The following LIPH variants were observed in gnomAD, a reference collection of about 807,000 sequenced individuals.
LIPH encodes lipase H, also known as lipase member H.
LIPH carries 32 observed loss-of-function variants against 47.6 expected under a neutral mutation model. The observed-to-expected ratio is 0.67, with a 90% CI of 0.51 to 0.90. LIPH has a LOEUF of 0.90. Among genes scored for constraint, LIPH ranks in the 40% least tolerant of loss-of-function variants. The pLI, the probability that LIPH is intolerant of heterozygous loss-of-function variation, is 0.00. For missense variants in LIPH, 497 were observed against 541.4 expected (o/e 0.92, Z 0.81); for synonymous variants, 190 against 195.6 (o/e 0.97, Z 0.24).
intron 1 of LIPH, among the ~76,000 whole-genome samples, chr3:185,549,832 C>T (rs1720998439): frequency 6.6e-6 from 1 of 152,084 alleles, no homozygotes; most frequent in African/African-American, 2.4e-5. Flanking sequence ...AGTGCTGGGA[C>T]TACAGATGTG....
At chr3:185,534,708 C>G in intron 2 of LIPH, 57 bp downstream of exon 2, 1 of 1,591,916 alleles carries the variant, frequency 6.3e-7, no homozygotes, top group South Asian at 1.1e-5. Flanking sequence ...GCTTTAAGCC[C>G]TCAGATAATG....
intron 5 of LIPH, among the ~76,000 whole-genome samples, chr3:185,522,974 T>A (rs557065234): frequency 5.0e-4 from 76 of 152,318 alleles, no homozygotes; most frequent in Non-Finnish European, 9.0e-4. Context: ...ATTATATAGT[T>A]TTGTCTTTTC....
In LIPH at chr3:185,511,620, G is replaced by A. The variant is rs752617792; in HGVS notation, c.1172C>T (p.Ala391Val). 1 of 1,613,230 alleles carries A rather than the reference G, an allele frequency of 6.2e-7. No individual in the cohort carries two copies. Among genetic ancestry groups the A allele is most frequent in the Non-Finnish European group, 8.5e-7 (1 of 1,179,222 alleles). ...RFNQDLDKVA[A>V]ISLMFSTGSL... ...TCCTGTAGAGAACATCAAGGAAATT[G>A]CAGCCACTTTATCCAGATCTTGATT... Residue 391 changes from alanine to valine, a missense_variant, in exon 9 of 10, where the codon GCA becomes GTA. Ala to Val is a moderately conservative substitution (Grantham distance 64). Coordinates refer to ENST00000296252, the MANE Select transcript of LIPH (RefSeq NM_139248.3).
intron 3 of LIPH, among the ~76,000 whole-genome samples, chr3:185,531,079 C>T (rs1403135316): frequency 6.6e-6 from 1 of 152,130 alleles, no homozygotes; most frequent in Admixed American, 6.6e-5. Flanking sequence ...AAATGATTAG[C>T]TTCCAGTGTC....
At position 185,508,437 on chromosome 3, in the gene LIPH, T is replaced by C; in HGVS notation, c.*353A>G. ...AGTCCACGGTGAGGCCTCCAGTCCG[T>C]CCTTCCCTTGAAGATGCTTGACCCG... On this transcript the variant is annotated 3_prime_UTR_variant, in exon 10 of 10. Coordinates refer to ENST00000296252, the MANE Select transcript of LIPH (RefSeq NM_139248.3). 1 of 314,808 alleles carries C rather than the reference T, an allele frequency of 3.2e-6. No individual in the cohort carries two copies. The highest frequency in any genetic ancestry group is 6.1e-6 in the Non-Finnish European group (1 of 162,694). The allele number at this position is 314,808 out of a possible 1,614,324, so 19.5% of individuals were successfully genotyped here. A position where few individuals can be genotyped will look rare whatever the true frequency, so the allele number is the denominator to read the frequency against.
intron 5 of LIPH, among the ~76,000 whole-genome samples, chr3:185,523,756 C>G (rs1201695096): frequency 6.6e-6 from 1 of 150,768 alleles, no homozygotes; most frequent in Admixed American, 6.7e-5. Context: ...GAGTATCACT[C>G]TTGTTGCCCA....
In LIPH at chr3:185,535,026, G is replaced by C; in HGVS notation, c.156C>G (p.Thr52=). The C allele has an allele frequency of 1.2e-6, 2 of 1,613,706 alleles. No individual in the cohort carries two copies. Among genetic ancestry groups the C allele is most frequent in the African/African-American group, 2.7e-5 (2 of 75,008 alleles). ...RLMLYTRKNL[T]CAQTINSSAF... ...CTGAGGAGTTGATGGTTTGTGCGCA[G>C]GTCAGGTTTTTCCTTGTGTAGAGCA... The change falls in exon 2 of 10, where the codon ACC becomes ACG. Residue 52 remains threonine (T), a synonymous_variant. Coordinates refer to ENST00000296252, the MANE Select transcript of LIPH (RefSeq NM_139248.3).
intron 6 of LIPH, among the ~76,000 whole-genome samples, chr3:185,517,619 A>G (rs1719771735): frequency 6.6e-6 from 1 of 152,126 alleles, no homozygotes; most frequent in African/African-American, 2.4e-5. Flanking sequence ...CTGTGTCACT[A>G]AGCAGGTGAG....
chr3:185,508,945 T>A (rs1719468852), intron 9 of LIPH, 68 bp from the exon 10 acceptor site: 1 of 920,840 alleles, frequency 1.1e-6, no homozygotes, highest in East Asian at 2.6e-5. Flanking sequence ...GTAAATAATA[T>A]TATATCCTTA....
intron 1 of LIPH, among the ~76,000 whole-genome samples, chr3:185,549,662 A>G (rs1335092529): frequency 2.0e-5 from 3 of 152,210 alleles, no homozygotes; most frequent in Non-Finnish European, 4.4e-5. Context: ...GCACAATGGT[A>G]TGTGCCTGTA....
intron 1 of LIPH, among the ~76,000 whole-genome samples, chr3:185,545,769 T>A (rs1720852022): frequency 1.3e-5 from 2 of 152,100 alleles, no homozygotes; most frequent in African/African-American, 4.8e-5. Context: ...GAGTCAGACC[T>A]AGGTTTGATG....
chr3:185,538,640 G>C lies in LIPH; in HGVS notation c.50-3508C>G, dbSNP rs568867510. ...TTTTCTTTTATTACCTATGCTTAAT[G>C]TTTCAGGTGTTATGTCCTTTTTAAT... is the stretch of plus-strand genomic sequence containing the variant. On this transcript the variant is annotated intron_variant, in intron 1 of 9. Coordinates refer to ENST00000296252, the MANE Select transcript of LIPH (RefSeq NM_139248.3). Among the ~76,000 whole-genome samples the C allele has an allele frequency of 2.3e-3, 7 of 3,064 alleles. No homozygotes were observed. In the South Asian group the frequency reaches 0.12, roughly 55 times the overall value. The allele number at this position is 3,064 out of a possible 152,430, so 2.0% of individuals were successfully genotyped here. A position where few individuals can be genotyped will look rare whatever the true frequency, so the allele number is the denominator to read the frequency against.
At chr3:185,527,806 C>G (rs538371365) in intron 3 of LIPH, among the ~76,000 whole-genome samples, 1 of 148,606 alleles carries the variant, frequency 6.7e-6, no homozygotes, top group Non-Finnish European at 1.5e-5. Flanking sequence ...AGAATGGCAT[C>G]CAGACTCCAT....
chr3:185,550,459 C>T (rs1279656943), intron 1 of LIPH, among the ~76,000 whole-genome samples: 3 of 152,044 alleles, frequency 2.0e-5, no homozygotes, highest in Non-Finnish European at 4.4e-5. Flanking sequence ...TTTTTTTCAA[C>T]TTTATAAATG....
chr3:185,549,566 G>A (rs1577694944), intron 1 of LIPH, among the ~76,000 whole-genome samples: 2 of 152,098 alleles, frequency 1.3e-5, no homozygotes, highest in African/African-American at 4.8e-5. Flanking sequence ...TCTTAATTTA[G>A]AACAATATTT....
Position 185,508,722 on chromosome 3 carries a change from G to T in LIPH, c.*68C>A. 8.7e-7 allele frequency: 1 copy of T among 1,155,042 alleles called. No individual in the cohort carries two copies. The highest frequency in any genetic ancestry group is 1.3e-6 in the Non-Finnish European group (1 of 762,430). 71.5% of individuals were successfully genotyped at this position (1,155,042 alleles called of 1,614,324 possible). A position where few individuals can be genotyped will look rare whatever the true frequency, so the allele number is the denominator to read the frequency against. ...TTTCTGCCTTGCAGAAAGGTGAGGTGAAGCTTTCAAACAGCCTGTGGTTGT... is the reference window on the plus strand; with the variant it reads ...TTTCTGCCTTGCAGAAAGGTGAGGTTAAGCTTTCAAACAGCCTGTGGTTGT... On this transcript the variant is annotated 3_prime_UTR_variant, in exon 10 of 10. Coordinates refer to ENST00000296252, the MANE Select transcript of LIPH (RefSeq NM_139248.3).
intron 3 of LIPH, among the ~76,000 whole-genome samples, chr3:185,531,683 C>T (rs1464882752): frequency 6.6e-6 from 1 of 151,866 alleles, no homozygotes; most frequent in African/African-American, 2.4e-5. Context: ...GAGTCCAAGG[C>T]CAACCTGGGC....
At chr3:185,550,814 C>G (rs1481459048) in intron 1 of LIPH, among the ~76,000 whole-genome samples, 1 of 152,108 alleles carries the variant, frequency 6.6e-6, no homozygotes, top group African/African-American at 2.4e-5. Flanking sequence ...GTGATCCACG[C>G]GCCTTGGCCT....
At chr3:185,514,074 T>C (rs1286658337) in intron 8 of LIPH, among the ~76,000 whole-genome samples, 2 of 151,990 alleles carry the variant, frequency 1.3e-5, no homozygotes, top group Non-Finnish European at 2.9e-5. Context: ...AAAACAAGGA[T>C]AACTTTTGTA....
Sources: gnomAD v4.1 joint callset for allele counts (sites outside exome capture counted in the v4.1 genomes callset) on GRCh38, gnomAD v4.1.1 for gene constraint, MANE v1.5 for transcripts, NCBI Gene and HGNC (gene_info 2026-07-23, HGNC 2026-07-21) for gene names.